ELMO1: variants seen among roughly 807,000 people sequenced by gnomAD.
ELMO1 encodes engulfment and cell motility protein 1.
ELMO1 carries 26 observed loss-of-function variants against 98.9 expected under a neutral mutation model. The ratio of observed to expected loss-of-function variants is 0.26; its 90% CI spans 0.19 to 0.36. The LOEUF (loss-of-function observed/expected upper bound fraction) is 0.36, where lower values mean the gene tolerates loss of function less well. Ranked by LOEUF, ELMO1 falls within the 10% of genes least tolerant of loss-of-function variation. The pLI is 1.00. For synonymous variants in ELMO1, 346 were observed against 346.0 expected (o/e 1.00, Z 0.00); for missense variants, 627 against 935.2 (o/e 0.67, Z 4.30).
At chr7:37,433,302 C>T (rs1014405184) in intron 1 of ELMO1, among the ~76,000 whole-genome samples, 1 of 152,196 alleles carries the variant, frequency 6.6e-6, no homozygotes. Flanking sequence ...CCTGGGAACA[C>T]CTGCCGTGAG....
At chr7:36,913,937 G>C (rs1166504912) in intron 16 of ELMO1, among the ~76,000 whole-genome samples, 1 of 152,200 alleles carries the variant, frequency 6.6e-6, no homozygotes, top group Non-Finnish European at 1.5e-5. Flanking sequence ...CCCATTTAAA[G>C]CAAGGATTAT....
In ELMO1 at chr7:37,225,141, G is replaced by A. The variant is rs1793796363; in HGVS notation, c.550-111C>T. 5 of 1,297,636 alleles carry A rather than the reference G, an allele frequency of 3.9e-6. No individual in the cohort carries two copies. The Admixed American group carries it at 1.1e-4, about 28-fold the overall frequency. The allele number at this position is 1,297,636 out of a possible 1,614,324, so 80.4% of individuals were successfully genotyped here. ...ACTCATTTAAGAAACACCAGGCACTGAGGATGACCTGGAATTACAGCAAAA... is the reference window on the plus strand; with the variant it reads ...ACTCATTTAAGAAACACCAGGCACTAAGGATGACCTGGAATTACAGCAAAA... On this transcript the variant is annotated intron_variant, in intron 8 of 21. Coordinates refer to ENST00000310758, the MANE Select transcript of ELMO1 (RefSeq NM_014800.11).
At chr7:37,284,068 T>C (rs1298733945) in intron 4 of ELMO1, among the ~76,000 whole-genome samples, 1 of 152,152 alleles carries the variant, frequency 6.6e-6, no homozygotes, top group African/African-American at 2.4e-5. Flanking sequence ...GGACAGGTGC[T>C]GTGCTGGGAG....
At chr7:36,967,516 T>A (rs1011493351) in intron 16 of ELMO1, among the ~76,000 whole-genome samples, 8 of 151,574 alleles carry the variant, frequency 5.3e-5, no homozygotes, top group African/African-American at 1.2e-4. Context: ...CTAGGGGGAG[T>A]GTTGGCCAAA....
intron 14 of ELMO1, among the ~76,000 whole-genome samples, chr7:37,117,917 T>TTGTGTGTG (rs1186917266): frequency 6.6e-6 from 1 of 152,184 alleles, no homozygotes; most frequent in Non-Finnish European, 1.5e-5. Flanking sequence ...TTACATGGAA[T>TTGTGTGTG]TGTGTGTTTA....
intron 13 of ELMO1, among the ~76,000 whole-genome samples, chr7:37,173,520 G>A (rs1353149426): frequency 1.3e-5 from 2 of 152,028 alleles, no homozygotes; most frequent in Non-Finnish European, 2.9e-5. Flanking sequence ...CATTGCAAAA[G>A]CACAGATAGC....
intron 6 of ELMO1, among the ~76,000 whole-genome samples, chr7:37,252,599 T>TAAAACCTAAGACTTAAAACGTAAACTTA: frequency 6.6e-6 from 1 of 152,168 alleles, no homozygotes; most frequent in African/African-American, 2.4e-5. Context: ...ATTAAAGACT[T>TAAAACCTAAGACTTAAAACGTAAACTTA]AAACGTAAGA....
At chr7:37,277,212 T>C (rs1361700752) in intron 4 of ELMO1, among the ~76,000 whole-genome samples, 1 of 152,184 alleles carries the variant, frequency 6.6e-6, no homozygotes, top group Admixed American at 6.5e-5. Flanking sequence ...GAAACTGACA[T>C]ATAATAACTG....
chr7:37,375,533 T>C (rs1802301228), intron 1 of ELMO1: 3 of 1,001,894 alleles, frequency 3.0e-6, no homozygotes, highest in African/African-American at 3.2e-5. Flanking sequence ...TGTTGATGCC[T>C]AAGAAGAACC....
intron 4 of ELMO1, among the ~76,000 whole-genome samples, chr7:37,308,986 G>T (rs1393326505): frequency 6.6e-6 from 1 of 152,176 alleles, no homozygotes; most frequent in Non-Finnish European, 1.5e-5. Context: ...TCTCAGAACA[G>T]GAAGAAGAGG....
chr7:37,183,110 T>C (rs1452903111), intron 13 of ELMO1, among the ~76,000 whole-genome samples: 2 of 152,090 alleles, frequency 1.3e-5, no homozygotes, highest in African/African-American at 4.8e-5. Flanking sequence ...TAAATGGAAA[T>C]AGTTTAGGAG....
chr7:37,075,065 TG>T (rs1797493705), intron 15 of ELMO1, among the ~76,000 whole-genome samples: 2 of 152,150 alleles, frequency 1.3e-5, no homozygotes, highest in Non-Finnish European at 2.9e-5. Flanking sequence ...ATAAAAGGTG[TG>T]TAACACTTAG....
In ELMO1 at chr7:36,887,384, GGACTTT is replaced by G. The variant is rs900565736; in HGVS notation, c.1714+170_1714+175del. On this transcript the variant is annotated intron_variant, in intron 18 of 21. Transcript: ENST00000310758. ...TTTCTGTGGCTCTTCTGGTAATTGT[GGACTTT>G]GATTCTCTCTGGGTGTGCATGGGAA... 6.4e-4 allele frequency among the ~76,000 whole-genome samples: 97 copies of G among 152,218 alleles called. 1 individual carries two copies. Among genetic ancestry groups the G allele is most frequent in the African/African-American group, 2.3e-3 (96 of 41,510 alleles).
intron 1 of ELMO1, among the ~76,000 whole-genome samples, chr7:37,354,428 C>G (rs1047796492): frequency 6.6e-6 from 1 of 152,206 alleles, no homozygotes; most frequent in African/African-American, 2.4e-5. Context: ...AAGGGAGCTG[C>G]TGAGAGGTGA....
Position 37,117,847 on chromosome 7 carries a change from C to A in ELMO1, c.1191+15283G>T, listed in dbSNP as rs373818390. Among the ~76,000 whole-genome samples, 18 of 152,296 alleles carry A rather than the reference C, an allele frequency of 1.2e-4. 1 individual carries two copies. The highest frequency in any genetic ancestry group is 4.3e-4 in the African/African-American group (18 of 41,566). On this transcript the variant is annotated intron_variant, in intron 14 of 21. Coordinates refer to ENST00000310758, the MANE Select transcript of ELMO1 (RefSeq NM_014800.11). ...CCTTTGGGGTCCTTGTTATTCTAAACTGAATCCTTTCTCCACATCACCTAG... is the reference window on the plus strand; with the variant it reads ...CCTTTGGGGTCCTTGTTATTCTAAAATGAATCCTTTCTCCACATCACCTAG...
At chr7:36,944,646 G>T (rs924082578) in intron 16 of ELMO1, among the ~76,000 whole-genome samples, 1 of 152,124 alleles carries the variant, frequency 6.6e-6, no homozygotes, top group African/African-American at 2.4e-5. Flanking sequence ...TCTGATGACC[G>T]GAGCTCCTTG....
chr7:37,250,860 C>T (rs748747823), intron 6 of ELMO1, among the ~76,000 whole-genome samples: 1 of 151,072 alleles, frequency 6.6e-6, no homozygotes, highest in South Asian at 2.1e-4. Context: ...AACTTTTGTT[C>T]GCAGTTGACT....
In ELMO1 at chr7:36,974,023, C is replaced by A. The variant is rs186758984; in HGVS notation, c.1437+39276G>T. Among the ~76,000 whole-genome samples, 27 of 152,348 alleles carry A rather than the reference C, an allele frequency of 1.8e-4. No individual in the cohort carries two copies. In the East Asian group the frequency reaches 3.3e-3, roughly 19 times the overall value. ...AGCCCGCCATGCCTGAGCCTCCCCCCCACTCCGTGGGCTCCTGTGCGTCTG... is the reference window on the plus strand; with the variant it reads ...AGCCCGCCATGCCTGAGCCTCCCCCACACTCCGTGGGCTCCTGTGCGTCTG... On this transcript the variant is annotated intron_variant, in intron 16 of 21. Coordinates refer to ENST00000310758, the MANE Select transcript of ELMO1 (RefSeq NM_014800.11).
intron 13 of ELMO1, among the ~76,000 whole-genome samples, chr7:37,143,911 A>G (rs948546392): frequency 3.3e-5 from 5 of 151,574 alleles, no homozygotes; most frequent in African/African-American, 1.2e-4. Context: ...GGGTTTCCTC[A>G]TGTTGGCCAG....
Sources: gnomAD v4.1 joint callset for allele counts (sites outside exome capture counted in the v4.1 genomes callset) on GRCh38, gnomAD v4.1.1 for gene constraint, MANE v1.5 for transcripts, NCBI Gene and HGNC (gene_info 2026-07-23, HGNC 2026-07-21) for gene names.